The following PTPRT variants were observed in gnomAD, a reference collection of about 807,000 sequenced individuals.
PTPRT encodes receptor-type tyrosine-protein phosphatase T.
PTPRT carries 56 observed loss-of-function variants against 176.8 expected under a neutral mutation model. The observed-to-expected ratio is 0.32, with a 90% CI of 0.26 to 0.40. The LOEUF (loss-of-function observed/expected upper bound fraction) is 0.40, where lower values mean the gene tolerates loss of function less well. PTPRT is among the 10% of genes least tolerant of loss of function. The probability of loss-of-function intolerance (pLI) is 1.00; values close to 1 mark genes in which losing one functional copy is unlikely to be tolerated. For missense variants in PTPRT, 1,540 were observed against 1,908.2 expected, an observed-to-expected ratio of 0.81 and a Z score of 3.60; for synonymous variants, 783 against 739.0, an observed-to-expected ratio of 1.06 and a Z score of -0.96.
At chr20:42,585,905 C>T (rs75523364) in intron 7 of PTPRT, among the ~76,000 whole-genome samples, 5,923 of 152,038 alleles carry the variant, frequency 0.039, 324 homozygotes, top group African/African-American at 0.12. Context: ...AACATATTGA[C>T]ATATATATAT....
At chr20:42,398,157 TA>T (rs923477776) in intron 9 of PTPRT, among the ~76,000 whole-genome samples, 30 of 151,144 alleles carry the variant, frequency 2.0e-4, no homozygotes, top group East Asian at 1.7e-3. Context: ...AAAAAAATTG[TA>T]AAAAAAAATA....
chr20:42,660,252 A>T (rs2075199979), intron 7 of PTPRT, among the ~76,000 whole-genome samples: 2 of 152,088 alleles, frequency 1.3e-5, no homozygotes, highest in African/African-American at 4.8e-5. Flanking sequence ...AGATTTGTAA[A>T]TATGGCACCC....
chr20:42,369,000 T>G (rs192354432), intron 9 of PTPRT, among the ~76,000 whole-genome samples: 307 of 151,826 alleles, frequency 2.0e-3, no homozygotes, highest in Middle Eastern at 0.01. Flanking sequence ...TTTCCTTCCT[T>G]CCTTTCCTTT....
chr20:42,417,632 T>C (rs2059078349), intron 9 of PTPRT, among the ~76,000 whole-genome samples: 1 of 150,814 alleles, frequency 6.6e-6, no homozygotes, highest in African/African-American at 2.4e-5. Flanking sequence ...CTAATATCTG[T>C]TTTAAAACTT....
chr20:43,105,608 C>G (rs2012571406), intron 1 of PTPRT, among the ~76,000 whole-genome samples: 1 of 152,096 alleles, frequency 6.6e-6, no homozygotes, highest in Non-Finnish European at 1.5e-5. Flanking sequence ...ACTATGTTGC[C>G]CAGGCTGGCT....
At chr20:42,518,171 T>C (rs375176231) in intron 7 of PTPRT, among the ~76,000 whole-genome samples, 1 of 152,076 alleles carries the variant, frequency 6.6e-6, no homozygotes, top group Non-Finnish European at 1.5e-5. Flanking sequence ...TGTCGGTATA[T>C]TAATGGTTAT....
At position 42,562,061 on chromosome 20, in the gene PTPRT, T is replaced by G. The variant is rs6030329; in HGVS notation, c.1154-89499A>C. On this transcript the variant is annotated intron_variant, in intron 7 of 30. Transcript: ENST00000373187. ...AGTCACCTCACCTTCTGGGTTTCAG[T>G]TGCTTCGTCTGTAAACTAATGTTGA... 4.6e-3 allele frequency among the ~76,000 whole-genome samples: 700 copies of G among 152,314 alleles called. 9 individuals are homozygous for G. Among genetic ancestry groups the G allele is most frequent in the African/African-American group, 0.016 (669 of 41,564 alleles).
At chr20:43,120,857 T>C (rs1046521821) in intron 1 of PTPRT, among the ~76,000 whole-genome samples, 4 of 152,242 alleles carry the variant, frequency 2.6e-5, no homozygotes, top group Non-Finnish European at 4.4e-5. Context: ...AATTTTGTAT[T>C]AATATATGTA....
In PTPRT at chr20:42,439,283, C is replaced by CA. The variant is rs373542905; in HGVS notation, c.1560+8936dup. 2.4e-3 allele frequency among the ~76,000 whole-genome samples: 358 copies of CA among 151,616 alleles called. 2 individuals are homozygous for CA. Among genetic ancestry groups the CA allele is most frequent in the African/African-American group, 7.6e-3 (316 of 41,336 alleles). ...TGTGCACATGTCTTTTTTAATCTCA[C>CA]AAAAAAAACCACAACAGGACTGACT... is the stretch of plus-strand genomic sequence containing the variant. On this transcript the variant is annotated intron_variant, in intron 9 of 30. Transcript: ENST00000373187.
chr20:42,363,288 ATATATATATATATTTTTTTTTTT>A (rs1255140852), intron 9 of PTPRT, among the ~76,000 whole-genome samples: 2 of 22,594 alleles, frequency 8.9e-5, no homozygotes, highest in Non-Finnish European at 1.5e-4. Flanking sequence ...ATATATATAT[ATATATATATATATTTTTTTTTTT>A]TTTTTTTTTT....
intron 2 of PTPRT, among the ~76,000 whole-genome samples, chr20:42,815,912 G>A (rs1398558663): frequency 6.6e-6 from 1 of 152,108 alleles, no homozygotes; most frequent in Admixed American, 6.5e-5. Flanking sequence ...CTCTTTCTTG[G>A]GAAATTATAT....
chr20:42,172,725 G>T (rs938302013), intron 16 of PTPRT, among the ~76,000 whole-genome samples: 5 of 152,144 alleles, frequency 3.3e-5, no homozygotes, highest in Non-Finnish European at 7.4e-5. Flanking sequence ...ACATGCGCTT[G>T]TGTGTATGTT....
chr20:42,670,930 C>A (rs186723641), intron 7 of PTPRT, among the ~76,000 whole-genome samples: 1 of 152,180 alleles, frequency 6.6e-6, no homozygotes, highest in Non-Finnish European at 1.5e-5. Context: ...AACCTGGGAG[C>A]AAAACTTACA....
intron 1 of PTPRT, among the ~76,000 whole-genome samples, chr20:43,103,517 A>T (rs2425595): frequency 0.29 from 44,269 of 151,872 alleles, 6,873 homozygotes; most frequent in Non-Finnish European, 0.35. Flanking sequence ...ATGATAAGGG[A>T]TTACCACCCT....
intron 7 of PTPRT, among the ~76,000 whole-genome samples, chr20:42,479,333 T>G (rs2071342204): frequency 6.6e-6 from 1 of 152,222 alleles, no homozygotes; most frequent in African/African-American, 2.4e-5. Flanking sequence ...CAAAATTAAT[T>G]TTTTATCCAT....
intron 1 of PTPRT, among the ~76,000 whole-genome samples, chr20:43,067,296 C>T (rs530679032): frequency 4.1e-4 from 62 of 152,152 alleles, no homozygotes; most frequent in African/African-American, 1.1e-3. Context: ...AGAACGCAGA[C>T]GGGTGGTTGC....
intron 12 of PTPRT, among the ~76,000 whole-genome samples, chr20:42,311,240 G>C (rs2057623483): frequency 6.6e-6 from 1 of 152,000 alleles, no homozygotes; most frequent in Non-Finnish European, 1.5e-5. Context: ...TTGACATATT[G>C]CATGTGCTTG....
intron 6 of PTPRT, among the ~76,000 whole-genome samples, chr20:42,706,179 TTGTGTG>T (rs369232610): frequency 0.09 from 11,111 of 123,442 alleles, 488 homozygotes; most frequent in Non-Finnish European, 0.14. Flanking sequence ...CTCTCTCTGT[TTGTGTG>T]TGTGTGTGTG....
At chr20:42,959,245 G>C (rs971324053) in intron 1 of PTPRT, among the ~76,000 whole-genome samples, 2 of 152,100 alleles carry the variant, frequency 1.3e-5, no homozygotes, top group African/African-American at 4.8e-5. Context: ...GCTCATGTAC[G>C]TCAAGTGCTT....
Sources: gnomAD v4.1 joint callset for allele counts (sites outside exome capture counted in the v4.1 genomes callset) on GRCh38, gnomAD v4.1.1 for gene constraint, MANE v1.5 for transcripts, NCBI Gene and HGNC (gene_info 2026-07-23, HGNC 2026-07-21) for gene names.